Variants in NR6A1 observed in about 807,000 individuals in gnomAD.
NR6A1 encodes the protein nuclear receptor subfamily 6 group A member 1.
Under a neutral mutation model 59.1 loss-of-function variants are expected in NR6A1, and 7 were observed. The observed-to-expected ratio is 0.12, with a 90% CI of 0.07 to 0.22. The LOEUF (loss-of-function observed/expected upper bound fraction) is 0.22. Ranked by LOEUF, NR6A1 falls within the 10% of genes least tolerant of loss-of-function variation. The pLI, the probability that NR6A1 is intolerant of heterozygous loss-of-function variation, is 1.00. For synonymous variants in NR6A1, 243 were observed against 236.1 expected (o/e 1.03, Z -0.27); for missense variants, 468 against 611.6 (o/e 0.77, Z 2.48).
At chr9:124,661,212 T>G (rs777710326) in intron 2 of NR6A1, among the ~76,000 whole-genome samples, 28 of 152,232 alleles carry the variant, frequency 1.8e-4, no homozygotes, top group Non-Finnish European at 2.8e-4. Flanking sequence ...ATCAAATTAG[T>G]GTAGCTCCCT....
chr9:124,754,764 G>T (rs1035149686), intron 1 of NR6A1, among the ~76,000 whole-genome samples: 2 of 152,252 alleles, frequency 1.3e-5, no homozygotes, highest in Middle Eastern at 3.4e-3. Context: ...CTGGTCTGCT[G>T]TACCTATGAG....
intron 2 of NR6A1, among the ~76,000 whole-genome samples, chr9:124,711,086 C>T: frequency 6.6e-6 from 1 of 150,412 alleles, no homozygotes; most frequent in African/African-American, 2.5e-5. Context: ...TACTCCAAGC[C>T]TATTTGTACA....
intron 2 of NR6A1, among the ~76,000 whole-genome samples, chr9:124,631,002 C>G (rs993238546): frequency 6.6e-6 from 1 of 151,748 alleles, no homozygotes; most frequent in African/African-American, 2.4e-5. Flanking sequence ...AGTTTTCTCA[C>G]ATAAAATAAG....
chr9:124,677,257 T>C (rs539423613), intron 2 of NR6A1, among the ~76,000 whole-genome samples: 1 of 152,136 alleles, frequency 6.6e-6, no homozygotes, highest in Non-Finnish European at 1.5e-5. Flanking sequence ...CAAATTATTA[T>C]TACTATTTCC....
chr9:124,553,673 G>T (rs71495525), intron 3 of NR6A1, among the ~76,000 whole-genome samples: 2 of 142,496 alleles, frequency 1.4e-5, no homozygotes, highest in Non-Finnish European at 3.0e-5. Flanking sequence ...ACTCCTATCA[G>T]ATGAGTTTCT....
intron 2 of NR6A1, among the ~76,000 whole-genome samples, chr9:124,611,424 G>A (rs560685694): frequency 6.6e-6 from 1 of 152,170 alleles, no homozygotes; most frequent in African/African-American, 2.4e-5. Context: ...CTACTCTCCA[G>A]TCTTTGCTCC....
intron 1 of NR6A1, among the ~76,000 whole-genome samples, chr9:124,764,655 A>G (rs978853061): frequency 6.6e-6 from 1 of 152,250 alleles, no homozygotes; most frequent in African/African-American, 2.4e-5. Flanking sequence ...TAGTTGTTCA[A>G]GCAAATATCT....
intron 2 of NR6A1, among the ~76,000 whole-genome samples, chr9:124,597,939 A>T (rs1345409894): frequency 6.6e-6 from 1 of 152,108 alleles, no homozygotes; most frequent in African/African-American, 2.4e-5. Context: ...ACCAGGGCTC[A>T]AGCAATCCTC....
At chr9:124,767,041 C>CA (rs1840952294) in intron 1 of NR6A1, among the ~76,000 whole-genome samples, 1 of 152,176 alleles carries the variant, frequency 6.6e-6, no homozygotes, top group Admixed American at 6.5e-5. Flanking sequence ...ACCAATGTTA[C>CA]AGCAACAGTT....
At chr9:124,766,159 A>G (rs1840929177) in intron 1 of NR6A1, among the ~76,000 whole-genome samples, 1 of 152,256 alleles carries the variant, frequency 6.6e-6, no homozygotes, top group African/African-American at 2.4e-5. Flanking sequence ...TTACCTGCTC[A>G]GTACCAAACC....
chr9:124,640,811 T>A (rs1226507169), intron 2 of NR6A1, among the ~76,000 whole-genome samples: 1 of 152,108 alleles, frequency 6.6e-6, no homozygotes, highest in Admixed American at 6.6e-5. Flanking sequence ...TTTGTAGCAA[T>A]ACACACAGAG....
intron 1 of NR6A1, among the ~76,000 whole-genome samples, chr9:124,744,884 T>C (rs1840280366): frequency 6.6e-6 from 1 of 152,154 alleles, no homozygotes; most frequent in Non-Finnish European, 1.5e-5. Flanking sequence ...GGAAATCCAT[T>C]AGTAAGGTGC....
intron 2 of NR6A1, among the ~76,000 whole-genome samples, chr9:124,639,524 T>G (rs1564213218): frequency 6.6e-6 from 1 of 152,174 alleles, no homozygotes; most frequent in African/African-American, 2.4e-5. Flanking sequence ...ATCTCAAACT[T>G]AGCCCTATCA....
intron 1 of NR6A1, among the ~76,000 whole-genome samples, chr9:124,769,292 T>C (rs1185612622): frequency 6.6e-6 from 1 of 152,152 alleles, no homozygotes; most frequent in African/African-American, 2.4e-5. Flanking sequence ...ACATCATTAT[T>C]TTTAAGATCA....
chr9:124,586,602 T>C (rs4452913), intron 2 of NR6A1, among the ~76,000 whole-genome samples: 94,050 of 151,962 alleles, frequency 0.62, 30,637 homozygotes, highest in African/African-American at 0.83. Context: ...TGCGCCACCA[T>C]GCCCAGCTAA....
At chr9:124,703,185 G>A (rs961319991) in intron 2 of NR6A1, among the ~76,000 whole-genome samples, 15 of 149,426 alleles carry the variant, frequency 1.0e-4, no homozygotes, top group African/African-American at 2.7e-4. Flanking sequence ...GATTACAGGC[G>A]TGAGCCACCA....
At chr9:124,576,449 A>G (rs758247266) in intron 2 of NR6A1, among the ~76,000 whole-genome samples, 7 of 152,044 alleles carry the variant, frequency 4.6e-5, no homozygotes, top group Non-Finnish European at 7.4e-5. Flanking sequence ...CACCACGCCC[A>G]GCTAATTTTT....
chr9:124,572,520 C>T (rs943935530), intron 2 of NR6A1, among the ~76,000 whole-genome samples: 1 of 152,196 alleles, frequency 6.6e-6, no homozygotes, highest in Non-Finnish European at 1.5e-5. Context: ...GAAATGATTA[C>T]CCAAGGTCAT....
chr9:124,717,475 G>T (rs559930343), intron 2 of NR6A1, among the ~76,000 whole-genome samples: 13 of 152,274 alleles, frequency 8.5e-5, no homozygotes, highest in Non-Finnish European at 1.8e-4. Context: ...AGCACATATT[G>T]TATGACCATA....
Sources: allele counts gnomAD v4.1 joint callset (sites outside exome capture counted in the v4.1 genomes callset), GRCh38; gene constraint gnomAD v4.1.1; transcripts MANE v1.5; gene names NCBI Gene and HGNC (gene_info 2026-07-23, HGNC 2026-07-21).